The following DGKI variants were observed in gnomAD, a reference collection of about 807,000 sequenced individuals.
DGKI encodes DAG kinase iota.
In DGKI, 55 loss-of-function variants were observed where a neutral mutation model predicts 147.5. The ratio of observed to expected loss-of-function variants is 0.37; its 90% CI spans 0.30 to 0.47. The LOEUF (loss-of-function observed/expected upper bound fraction) is 0.47, where lower values mean the gene tolerates loss of function less well. Ranked by LOEUF, DGKI falls within the 20% of genes least tolerant of loss-of-function variation. The pLI is 1.00. For missense variants in DGKI, 1,007 were observed against 1,323.8 expected (o/e 0.76, Z 3.71); for synonymous variants, 469 against 477.1 (o/e 0.98, Z 0.22).
At chr7:137,460,481 T>C (rs1206202405) in intron 27 of DGKI, among the ~76,000 whole-genome samples, 1 of 152,194 alleles carries the variant, frequency 6.6e-6, no homozygotes, top group Non-Finnish European at 1.5e-5. Context: ...AATATATGCA[T>C]TATATAACAC....
intron 1 of DGKI, among the ~76,000 whole-genome samples, chr7:137,742,287 T>TCCAAAA (rs1795195878): frequency 1.3e-5 from 2 of 151,630 alleles, no homozygotes; most frequent in African/African-American, 2.4e-5. Flanking sequence ...GCTCTGGCAG[T>TCCAAAA]GGTTGGTGCG....
chr7:137,470,298 A>G (rs115730592), intron 23 of DGKI, among the ~76,000 whole-genome samples: 1,874 of 152,060 alleles, frequency 0.012, 38 homozygotes, highest in African/African-American at 0.043. Flanking sequence ...TGACCTCCCA[A>G]TTTCCCCTCT....
At chr7:137,659,920 G>A (rs113960181) in intron 3 of DGKI, among the ~76,000 whole-genome samples, 7,131 of 152,242 alleles carry the variant, frequency 0.047, 575 homozygotes, top group African/African-American at 0.16. Context: ...GCGACAGAGC[G>A]AGACTCCATC....
chr7:137,668,988 CTT>C (rs1822745495), intron 3 of DGKI, among the ~76,000 whole-genome samples: 1 of 152,152 alleles, frequency 6.6e-6, no homozygotes, highest in Admixed American at 6.5e-5. Flanking sequence ...TGCATTAACT[CTT>C]TTAATTTTCA....
chr7:137,659,725 G>A (rs1260055371), intron 3 of DGKI, among the ~76,000 whole-genome samples: 6 of 152,212 alleles, frequency 3.9e-5, no homozygotes, highest in African/African-American at 1.4e-4. Flanking sequence ...AAGGTCAGGA[G>A]ATCGAGACCA....
chr7:137,400,554 G>A (rs1197566836), intron 30 of DGKI, among the ~76,000 whole-genome samples: 1 of 152,136 alleles, frequency 6.6e-6, no homozygotes, highest in Admixed American at 6.6e-5. Flanking sequence ...AAGGAAGAAA[G>A]CTGTTCTTCA....
chr7:137,658,063 A>G (rs1822287457), intron 3 of DGKI, among the ~76,000 whole-genome samples: 1 of 152,236 alleles, frequency 6.6e-6, no homozygotes. Flanking sequence ...GGTGTAGCAC[A>G]TGAAATACAT....
chr7:137,437,524 G>T (rs1813329443), intron 28 of DGKI, among the ~76,000 whole-genome samples: 1 of 152,124 alleles, frequency 6.6e-6, no homozygotes, highest in Admixed American at 6.5e-5. Flanking sequence ...GTCAAGAGAT[G>T]TGGCTTGGAA....
intron 1 of DGKI, among the ~76,000 whole-genome samples, chr7:137,738,331 C>A (rs187666912): frequency 2.6e-5 from 4 of 152,074 alleles, no homozygotes; most frequent in Admixed American, 6.5e-5. Flanking sequence ...AAATACATAC[C>A]TCTACACAAT....
At chr7:137,551,554 T>C (rs1207685056) in intron 20 of DGKI, among the ~76,000 whole-genome samples, 1 of 152,162 alleles carries the variant, frequency 6.6e-6, no homozygotes, top group South Asian at 2.1e-4. Context: ...CTTAAGCACA[T>C]AGCATGATAT....
chr7:137,487,740 A>G (rs745561190), intron 21 of DGKI, 51 bp from the exon 22 acceptor site: 17 of 1,516,028 alleles, frequency 1.1e-5, no homozygotes, highest in Middle Eastern at 1.7e-4. Flanking sequence ...TGATTTTTCT[A>G]TATCAGCATA....
chr7:137,578,094 T>A (rs1196359906), intron 16 of DGKI, among the ~76,000 whole-genome samples, 176 bp downstream of exon 16: 1 of 152,158 alleles, frequency 6.6e-6, no homozygotes, highest in Non-Finnish European at 1.5e-5. Flanking sequence ...GACAGCTAAC[T>A]TAAGAAATAC....
At chr7:137,691,798 G>GGT (rs1313820202) in intron 1 of DGKI, among the ~76,000 whole-genome samples, 5 of 95,816 alleles carry the variant, frequency 5.2e-5, no homozygotes, top group Non-Finnish European at 1.0e-4. Context: ...AGACCTTTGG[G>GGT]TTTTTTTTTT....
At chr7:137,570,087 TTGATTTGTTTAGAA>T (rs1227762127) in intron 19 of DGKI, among the ~76,000 whole-genome samples, 1 of 152,156 alleles carries the variant, frequency 6.6e-6, no homozygotes, top group African/African-American at 2.4e-5. Flanking sequence ...GAGACCTATT[TTGATTTGTTTAGAA>T]TGAGAAATAC....
intron 1 of DGKI, among the ~76,000 whole-genome samples, chr7:137,738,679 G>A (rs1326279925): frequency 6.6e-6 from 1 of 151,468 alleles, no homozygotes; most frequent in African/African-American, 2.4e-5. Context: ...ATCTAGCCCT[G>A]TCTTATGTGA....
rs965508205 is a variant in DGKI at position 137,381,762 on chromosome 7, C to T, written c.*9458G>A. On this transcript the variant is annotated 3_prime_UTR_variant, in exon 33 of 33. Transcript: ENST00000614521. The stretch of plus-strand genomic sequence containing the variant: ...ACAGCCAAGCTAACCTTTGCTGAGA[C>T]TATTTTGGCCCCTGACTTTTCAAAG... 2 of 152,064 alleles carry T rather than the reference C, an allele frequency of 1.3e-5. No homozygotes were observed. Among genetic ancestry groups the T allele is most frequent in the Non-Finnish European group, 2.9e-5 (2 of 68,000 alleles). 9.4% of individuals were successfully genotyped at this position (152,064 alleles called of 1,614,324 possible).
At chr7:137,558,276 T>A (rs1445215598) in intron 19 of DGKI, among the ~76,000 whole-genome samples, 8 of 152,114 alleles carry the variant, frequency 5.3e-5, no homozygotes, top group Non-Finnish European at 1.0e-4. Flanking sequence ...TTTTTTATTA[T>A]TTTATTTATT....
intron 20 of DGKI, among the ~76,000 whole-genome samples, chr7:137,550,586 C>T (rs185276507): frequency 6.6e-6 from 1 of 151,868 alleles, no homozygotes; most frequent in Non-Finnish European, 1.5e-5. Flanking sequence ...GAAAAAAATT[C>T]TTTTTATGTG....
intron 1 of DGKI, among the ~76,000 whole-genome samples, chr7:137,698,618 A>G (rs1168600623): frequency 6.6e-6 from 1 of 152,068 alleles, no homozygotes; most frequent in Admixed American, 6.5e-5. Context: ...AGCAGCCAAC[A>G]CTCCCAGCAG....
Sources: gnomAD v4.1 joint callset for allele counts (sites outside exome capture counted in the v4.1 genomes callset) on GRCh38, gnomAD v4.1.1 for gene constraint, MANE v1.5 for transcripts, NCBI Gene and HGNC (gene_info 2026-07-23, HGNC 2026-07-21) for gene names.